The following PTPRN2 variants were observed in gnomAD, a reference collection of about 807,000 sequenced individuals.
The protein encoded by PTPRN2 is protein tyrosine phosphatase receptor type N2, also known as receptor-type tyrosine-protein phosphatase N2.
PTPRN2 carries 74 observed loss-of-function variants against 118.8 expected under a neutral mutation model. The observed-to-expected ratio is 0.62, with a 90% confidence interval of 0.52 to 0.76. The LOEUF (loss-of-function observed/expected upper bound fraction) is 0.76. Among genes scored for constraint, PTPRN2 ranks in the 30% least tolerant of loss-of-function variants. The pLI, the probability that PTPRN2 is intolerant of heterozygous loss-of-function variation, is 0.00. For missense variants in PTPRN2, 1,481 were observed against 1,394.4 expected (o/e 1.06, Z -0.99); for synonymous variants, 641 against 608.0 (o/e 1.05, Z -0.80).
chr7:158,250,665 G>A (rs936824705), intron 3 of PTPRN2, among the ~76,000 whole-genome samples: 54 of 152,100 alleles, frequency 3.6e-4, no homozygotes, highest in Non-Finnish European at 2.2e-4. Context: ...TCAAACCCCC[G>A]AATTGTTGTG....
At chr7:158,414,701 C>T (rs1814506694) in intron 2 of PTPRN2, among the ~76,000 whole-genome samples, 1 of 152,242 alleles carries the variant, frequency 6.6e-6, no homozygotes, top group Non-Finnish European at 1.5e-5. Flanking sequence ...GTGCCTCCCG[C>T]CCTGGCCACA....
In PTPRN2 at chr7:158,316,944, G is replaced by A. The variant is rs1384822058; in HGVS notation, c.164-12C>T. The A allele has an allele frequency of 3.1e-6, 5 of 1,591,230 alleles. No individual in the cohort carries two copies. In the African/African-American group the frequency reaches 6.7e-5, roughly 21 times the overall value. On this transcript the variant is annotated splice_polypyrimidine_tract_variant and intron_variant, in intron 2 of 22. Coordinates refer to ENST00000389418, the MANE Select transcript of PTPRN2 (RefSeq NM_002847.5). The stretch of plus-strand genomic sequence containing the variant: ...TCCAAACACTCCATCTGTGAGAAGG[G>A]AAGGAGATAAGACAGAACGAGACGT...
At chr7:157,935,996 T>G (rs530606424) in intron 11 of PTPRN2, among the ~76,000 whole-genome samples, 2 of 149,638 alleles carry the variant, frequency 1.3e-5, no homozygotes, top group African/African-American at 4.9e-5. Context: ...TCAGGGGGGG[T>G]TTAGACATCT....
intron 12 of PTPRN2, among the ~76,000 whole-genome samples, chr7:157,783,948 C>T (rs28372091): frequency 0.011 from 1,667 of 152,202 alleles, 41 homozygotes; most frequent in African/African-American, 0.038. Context: ...GATATTCCAT[C>T]TCTTACTCTT....
chr7:158,195,047 C>T (rs536896934), intron 4 of PTPRN2, among the ~76,000 whole-genome samples: 29 of 152,326 alleles, frequency 1.9e-4, no homozygotes, highest in South Asian at 4.1e-4. Flanking sequence ...CAGTTGCCTT[C>T]GCGTGTTCTC....
chr7:157,562,834 C>A (rs1388390617), intron 21 of PTPRN2, among the ~76,000 whole-genome samples: 1 of 148,214 alleles, frequency 6.7e-6, no homozygotes, highest in Admixed American at 6.7e-5. Context: ...TCCACGTCAC[C>A]ACACGCAGCA....
chr7:158,135,359 T>C (rs961163239), intron 8 of PTPRN2, among the ~76,000 whole-genome samples: 5 of 152,154 alleles, frequency 3.3e-5, no homozygotes, highest in African/African-American at 7.2e-5. Context: ...TCAATGACAA[T>C]AGGATGTAGC....
intron 3 of PTPRN2, among the ~76,000 whole-genome samples, chr7:158,229,589 G>A (rs777822621): frequency 2.6e-5 from 4 of 152,024 alleles, no homozygotes; most frequent in Admixed American, 6.5e-5. Flanking sequence ...AAATACATTT[G>A]CTGAACTGAA....
chr7:158,402,728 G>A (rs1044766320), intron 2 of PTPRN2, among the ~76,000 whole-genome samples: 2 of 152,164 alleles, frequency 1.3e-5, no homozygotes, highest in South Asian at 2.1e-4. Context: ...CGGACCCTGC[G>A]CCCGCCCTAG....
intron 6 of PTPRN2, among the ~76,000 whole-genome samples, chr7:158,139,492 CGG>C (rs77341339): frequency 0.014 from 2,187 of 151,252 alleles, 53 homozygotes; most frequent in African/African-American, 0.05. Flanking sequence ...CAGGAGGGCA[CGG>C]GGGGGTGGGA....
At chr7:157,737,232 C>G (rs1324549876) in intron 12 of PTPRN2, among the ~76,000 whole-genome samples, 2 of 152,258 alleles carry the variant, frequency 1.3e-5, no homozygotes, top group African/African-American at 4.8e-5. Flanking sequence ...GACGGCCTGG[C>G]GAGCTCACTC....
chr7:158,073,587 C>T (rs149148502), intron 11 of PTPRN2, among the ~76,000 whole-genome samples: 46 of 151,356 alleles, frequency 3.0e-4, no homozygotes, highest in South Asian at 1.2e-3. Context: ...GAGATGAAGC[C>T]GCTTCCTACT....
intron 12 of PTPRN2, among the ~76,000 whole-genome samples, chr7:157,728,039 G>A (rs866758885): frequency 9.9e-5 from 15 of 151,986 alleles, no homozygotes; most frequent in South Asian, 4.2e-4. Context: ...TGCCTCTCCC[G>A]TCTACACCTG....
At chr7:157,864,445 A>G (rs1810480747) in intron 12 of PTPRN2, 1 of 152,240 alleles carries the variant, frequency 6.6e-6, no homozygotes, top group African/African-American at 2.4e-5. Flanking sequence ...CCCGGGCTCT[A>G]GTTTTCCAGG....
At chr7:157,691,580 C>T (rs1204956906) in intron 12 of PTPRN2, among the ~76,000 whole-genome samples, 13 of 152,186 alleles carry the variant, frequency 8.5e-5, no homozygotes, top group African/African-American at 3.1e-4. Flanking sequence ...GAGACTTTGC[C>T]ACCATTTGGT....
chr7:158,075,857 G>A (rs1224293962), intron 11 of PTPRN2, among the ~76,000 whole-genome samples: 4 of 152,226 alleles, frequency 2.6e-5, no homozygotes, highest in Admixed American at 2.0e-4. Flanking sequence ...CCCAGCCTGC[G>A]TTGATCCTGG....
At chr7:158,528,968 C>T (rs1313778493) in intron 1 of PTPRN2, among the ~76,000 whole-genome samples, 36 of 152,170 alleles carry the variant, frequency 2.4e-4, no homozygotes, top group Admixed American at 2.3e-3. Context: ...CCTCAGGGGG[C>T]CAGCCCTGTG....
At chr7:158,441,681 T>C (rs1025545896) in intron 2 of PTPRN2, among the ~76,000 whole-genome samples, 22 of 119,344 alleles carry the variant, frequency 1.8e-4, no homozygotes, top group Admixed American at 2.8e-4. Context: ...TGATCAGTGA[T>C]GGTGGTGGTG....
At chr7:157,750,182 G>A (rs1801376962) in intron 12 of PTPRN2, among the ~76,000 whole-genome samples, 1 of 152,024 alleles carries the variant, frequency 6.6e-6, no homozygotes, top group Non-Finnish European at 1.5e-5. Context: ...GTTGCTTGTT[G>A]TTCATAATTT....
Sources: allele counts gnomAD v4.1 joint callset (sites outside exome capture counted in the v4.1 genomes callset), GRCh38; gene constraint gnomAD v4.1.1; transcripts MANE v1.5; gene names NCBI Gene and HGNC (gene_info 2026-07-23, HGNC 2026-07-21).